PMM2: variants seen among roughly 807,000 people sequenced by gnomAD.
PMM2 encodes the protein phosphomannomutase 2, also known as mannose-6-phosphate isomerase.
In PMM2, 35 loss-of-function variants were observed where a neutral mutation model predicts 33.2. The ratio of observed to expected loss-of-function variants is 1.06; its 90% CI spans 0.81 to 1.40. The LOEUF is 1.40. Ranked by LOEUF, PMM2 falls within the 40% of genes most tolerant of loss-of-function variation. The pLI is 0.00. For synonymous variants in PMM2, 153 were observed against 114.7 expected, an observed-to-expected ratio of 1.33 and a Z score of -2.13; for missense variants, 386 against 306.0, an observed-to-expected ratio of 1.26 and a Z score of -1.95.
chr16:8,811,197 T>C lies in PMM2; in HGVS notation c.447+19T>C, dbSNP rs11074924. 721,885 of 1,445,742 alleles carry C rather than the reference T, an allele frequency of 0.5. 184,852 individuals are homozygous for C. Among genetic ancestry groups the C allele is most frequent in the Non-Finnish European group, 0.53 (552,387 of 1,048,634 alleles). 89.6% of individuals were successfully genotyped at this position (1,445,742 alleles called of 1,614,324 possible). ...CGATAAAGTACGTCTTTCTGAAATA[T>C]CTTTGGTGAATGGCTGGGTTTATGG... On this transcript the variant is annotated intron_variant, in intron 5 of 7. Coordinates refer to ENST00000268261, the MANE Select transcript of PMM2 (RefSeq NM_000303.3).
In PMM2 at chr16:8,846,650, C is replaced by T. The variant is rs931601568; in HGVS notation, c.640-1074C>T. On this transcript the variant is annotated intron_variant, in intron 7 of 7. Coordinates refer to ENST00000268261, the MANE Select transcript of PMM2 (RefSeq NM_000303.3). ...GGCCCTTGCAGACTTTCTGAGGCCT[C>T]GGTTTCGTCATCTTACCAAGGTGTG... Among the ~76,000 whole-genome samples, 6 of 152,244 alleles carry T rather than the reference C, an allele frequency of 3.9e-5. No individual in the cohort carries two copies. In the East Asian group the frequency reaches 5.8e-4, roughly 15 times the overall value.
intron 7 of PMM2, among the ~76,000 whole-genome samples, chr16:8,820,351 C>CTTTTTTTT (rs545958069): frequency 2.1e-4 from 28 of 133,134 alleles, no homozygotes; most frequent in African/African-American, 5.9e-4. Context: ...CACAGTTCTT[C>CTTTTTTTT]TTTTTTTTTT....
At chr16:8,799,518 G>T (rs1004348600) in intron 1 of PMM2, among the ~76,000 whole-genome samples, 1 of 151,720 alleles carries the variant, frequency 6.6e-6, no homozygotes, top group Non-Finnish European at 1.5e-5. Flanking sequence ...ATTCAGGAAA[G>T]TGCTTCTGAT....
chr16:8,844,656 G>T (rs1467048437), intron 7 of PMM2, among the ~76,000 whole-genome samples: 2 of 152,220 alleles, frequency 1.3e-5, no homozygotes, highest in African/African-American at 4.8e-5. Flanking sequence ...AATGATCAGA[G>T]GCGTCCTTGC....
intron 2 of PMM2, among the ~76,000 whole-genome samples, chr16:8,804,103 A>G (rs896227360): frequency 1.4e-5 from 2 of 138,084 alleles, no homozygotes; most frequent in East Asian, 2.1e-4. Flanking sequence ...CAGTGGCACA[A>G]TCTTGGCTCA....
chr16:8,837,983 C>G (rs921622977), intron 7 of PMM2, among the ~76,000 whole-genome samples: 3 of 152,060 alleles, frequency 2.0e-5, no homozygotes, highest in Admixed American at 1.3e-4. Flanking sequence ...CATGCGCGTC[C>G]GTGTGAAGAG....
intron 7 of PMM2, among the ~76,000 whole-genome samples, chr16:8,824,532 CTAA>C (rs1429226539): frequency 6.6e-6 from 1 of 152,180 alleles, no homozygotes; most frequent in Admixed American, 6.5e-5. Flanking sequence ...GTAACACATA[CTAA>C]TAACATAGTT....
At chr16:8,821,048 A>T (rs4457993) in intron 7 of PMM2, among the ~76,000 whole-genome samples, 124,286 of 152,132 alleles carry the variant, frequency 0.82, 51,433 homozygotes, top group East Asian at 0.97. Context: ...TCAGGACTCA[A>T]GGCTAAGGAG....
At chr16:8,802,144 A>G (rs2060620288) in intron 2 of PMM2, 1 of 520,620 alleles carries the variant, frequency 1.9e-6, no homozygotes, top group Non-Finnish European at 3.7e-6. Flanking sequence ...TCACCTAGAA[A>G]GGTCAGTGGC....
intron 7 of PMM2, among the ~76,000 whole-genome samples, chr16:8,815,831 C>G (rs1317565589): frequency 6.6e-6 from 1 of 152,106 alleles, no homozygotes; most frequent in Non-Finnish European, 1.5e-5. Flanking sequence ...TAAAAAGTGT[C>G]TGCACAGCAA....
At chr16:8,820,500 C>T (rs1297183303) in intron 7 of PMM2, among the ~76,000 whole-genome samples, 1 of 152,052 alleles carries the variant, frequency 6.6e-6, no homozygotes, top group Non-Finnish European at 1.5e-5. Context: ...ATTACCGGTG[C>T]CCACCACCAC....
chr16:8,833,221 G>A (rs974471538), intron 7 of PMM2, among the ~76,000 whole-genome samples: 12 of 152,314 alleles, frequency 7.9e-5, no homozygotes, highest in African/African-American at 2.9e-4. Context: ...TGTTTTGCGG[G>A]CAGGAGTGGA....
chr16:8,801,698 A>T (rs1054668833), intron 1 of PMM2, 101 bp from the exon 2 acceptor site: 2 of 751,796 alleles, frequency 2.7e-6, no homozygotes, highest in Admixed American at 2.7e-5. Flanking sequence ...TTAATTTTTA[A>T]ATAAGAAAAT....
chr16:8,819,393 A>G (rs1402962428), intron 7 of PMM2, among the ~76,000 whole-genome samples: 1 of 152,244 alleles, frequency 6.6e-6, no homozygotes, highest in South Asian at 2.1e-4. Flanking sequence ...TTATAAATGC[A>G]TAAAAGGAGT....
intron 7 of PMM2, among the ~76,000 whole-genome samples, chr16:8,829,704 C>T (rs979149466): frequency 6.6e-6 from 1 of 152,138 alleles, no homozygotes; most frequent in Non-Finnish European, 1.5e-5. Flanking sequence ...ACCCTCGAGG[C>T]AGCCCTGTCA....
intron 7 of PMM2, among the ~76,000 whole-genome samples, chr16:8,817,875 A>G (rs920273409): frequency 1.7e-4 from 25 of 151,162 alleles, no homozygotes; most frequent in Non-Finnish European, 3.4e-4. Context: ...TTTTATTTTT[A>G]TCATATTAGT....
At chr16:8,801,040 C>G (rs370874700) in intron 1 of PMM2, among the ~76,000 whole-genome samples, 17 of 152,220 alleles carry the variant, frequency 1.1e-4, no homozygotes, top group African/African-American at 3.9e-4. Flanking sequence ...CAACTTAAAT[C>G]CATAAATGGA....
chr16:8,826,827 A>T (rs1396163641), intron 7 of PMM2, among the ~76,000 whole-genome samples: 1 of 152,010 alleles, frequency 6.6e-6, no homozygotes. Flanking sequence ...AAATCTTGTC[A>T]CGACTCACAG....
At chr16:8,808,143 C>G (rs761889644) in intron 4 of PMM2, 1 of 152,166 alleles carries the variant, frequency 6.6e-6, no homozygotes, top group African/African-American at 2.4e-5. Flanking sequence ...TCCTGCTCAG[C>G]ATCTCCAGCC....
Sources: allele counts gnomAD v4.1 joint callset (sites outside exome capture counted in the v4.1 genomes callset), GRCh38; gene constraint gnomAD v4.1.1; transcripts MANE v1.5; gene names NCBI Gene and HGNC (gene_info 2026-07-23, HGNC 2026-07-21).